Variants in CACNB2 observed in about 807,000 individuals in gnomAD.
CACNB2 encodes the protein calcium voltage-gated channel auxiliary subunit beta 2.
CACNB2 carries 42 observed loss-of-function variants against 73.3 expected under a neutral mutation model. The observed-to-expected ratio is 0.57, with a 90% CI of 0.45 to 0.74. CACNB2 has a LOEUF of 0.74. Among genes scored for constraint, CACNB2 ranks in the 30% least tolerant of loss-of-function variants. CACNB2 has a pLI of 0.00. For missense variants in CACNB2, 940 were observed against 853.0 expected (o/e 1.10, Z -1.27); for synonymous variants, 348 against 310.3 (o/e 1.12, Z -1.28).
At chr10:18,342,660 T>A (rs1753151602) in intron 2 of CACNB2, among the ~76,000 whole-genome samples, 3 of 152,162 alleles carry the variant, frequency 2.0e-5, no homozygotes, top group Admixed American at 1.3e-4. Context: ...TATAAACACA[T>A]GGATTTTTGG....
At chr10:18,282,481 C>T (rs1199614110) in intron 2 of CACNB2, among the ~76,000 whole-genome samples, 1 of 152,190 alleles carries the variant, frequency 6.6e-6, no homozygotes, top group Non-Finnish European at 1.5e-5. Context: ...TGGGTTTTAC[C>T]AGTAGTCATT....
chr10:18,343,745 T>C (rs558575362), intron 2 of CACNB2, among the ~76,000 whole-genome samples: 2 of 152,178 alleles, frequency 1.3e-5, no homozygotes, highest in South Asian at 4.2e-4. Context: ...GGGAGAGAGA[T>C]TAAATGTCCC....
intron 2 of CACNB2, among the ~76,000 whole-genome samples, chr10:18,395,682 A>C (rs1208424307): frequency 6.6e-6 from 1 of 152,148 alleles, no homozygotes; most frequent in Admixed American, 6.5e-5. Flanking sequence ...GAAAATTGAA[A>C]CTGACATTTT....
At chr10:18,432,179 A>T (rs568916474) in intron 3 of CACNB2, among the ~76,000 whole-genome samples, 13 of 152,374 alleles carry the variant, frequency 8.5e-5, no homozygotes, top group African/African-American at 2.9e-4. Context: ...ATGTCAAGCT[A>T]TTCACTAAGA....
Position 18,474,588 on chromosome 10 carries a change from G to A in CACNB2, c.334-23767G>A, listed in dbSNP as rs111330813. On this transcript the variant is annotated intron_variant, in intron 3 of 13. Coordinates refer to ENST00000324631, the MANE Select transcript of CACNB2 (RefSeq NM_201596.3). Reference sequence around the variant, plus strand: ...CACTTTCTCCTTAGTAACAGCGCACGGCTCCTGACCTGGATGGGTGGCCTT... The same window carrying A: ...CACTTTCTCCTTAGTAACAGCGCACAGCTCCTGACCTGGATGGGTGGCCTT... 4.7e-3 allele frequency among the ~76,000 whole-genome samples: 721 copies of A among 152,202 alleles called. 6 individuals are homozygous for A. Among genetic ancestry groups the A allele is most frequent in the Non-Finnish European group, 7.4e-3 (503 of 68,012 alleles).
chr10:18,327,105 T>C (rs1280231936), intron 2 of CACNB2, among the ~76,000 whole-genome samples: 1 of 152,122 alleles, frequency 6.6e-6, no homozygotes, highest in Non-Finnish European at 1.5e-5. Context: ...TCCATGATAT[T>C]AAAGAATGGT....
At chr10:18,230,546 A>G (rs1207105032) in intron 2 of CACNB2, among the ~76,000 whole-genome samples, 2 of 152,236 alleles carry the variant, frequency 1.3e-5, no homozygotes, top group Non-Finnish European at 2.9e-5. Flanking sequence ...AAACCTCAAG[A>G]TATGTGGTAC....
chr10:18,383,647 G>A (rs959667615), intron 2 of CACNB2, among the ~76,000 whole-genome samples: 1 of 152,146 alleles, frequency 6.6e-6, no homozygotes, highest in Admixed American at 6.6e-5. Context: ...TATGTAGATG[G>A]TGCACCAGAA....
chr10:18,342,632 G>C (rs1368393551), intron 2 of CACNB2, among the ~76,000 whole-genome samples: 1 of 152,016 alleles, frequency 6.6e-6, no homozygotes, highest in African/African-American at 2.4e-5. Flanking sequence ...TAACTAATAA[G>C]TATGCTTGAA....
chr10:18,478,510 C>T (rs1220907306), intron 3 of CACNB2, among the ~76,000 whole-genome samples: 1 of 152,182 alleles, frequency 6.6e-6, no homozygotes, highest in African/African-American at 2.4e-5. Context: ...TCTGAAGCTG[C>T]TGCTGTAAGG....
At chr10:18,143,540 A>G (rs1313924591) in intron 1 of CACNB2, among the ~76,000 whole-genome samples, 1 of 152,254 alleles carries the variant, frequency 6.6e-6, no homozygotes, top group Non-Finnish European at 1.5e-5. Context: ...TCTGCCTTCC[A>G]AAAATGAAAG....
rs910083088 is a variant in CACNB2, at chr10:18,542,103, A to C, written c.*2379A>C. On this transcript the variant is annotated 3_prime_UTR_variant, in exon 14 of 14. Transcript: ENST00000324631. ...CAGCTACTTGGGAGGCTGAGATAGG[A>C]GGATCCCTTGAGCCCAGGAGGTGGA... 5 of 152,110 alleles carry C rather than the reference A, an allele frequency of 3.3e-5. No individual in the cohort carries two copies. The highest frequency in any genetic ancestry group is 1.2e-4 in the African/African-American group (5 of 41,410). The allele number at this position is 152,110 out of a possible 1,614,324, so 9.4% of individuals were successfully genotyped here.
chr10:18,201,415 C>T (rs2034876985), intron 2 of CACNB2, among the ~76,000 whole-genome samples: 7 of 151,994 alleles, frequency 4.6e-5, no homozygotes, highest in Admixed American at 4.6e-4. Flanking sequence ...GCTGGGATTA[C>T]AGGCATGCGC....
chr10:18,531,895 G>A (rs549915871), intron 10 of CACNB2: 1 of 152,252 alleles, frequency 6.6e-6, no homozygotes, highest in South Asian at 2.1e-4. Flanking sequence ...TGTGGGATGT[G>A]GGGAGATGAG....
At chr10:18,515,068 A>T in intron 7 of CACNB2, 3 of 1,566,776 alleles carry the variant, frequency 1.9e-6, no homozygotes, top group Non-Finnish European at 2.6e-6. Context: ...GTCATATATA[A>T]ATATTCTCCC....
chr10:18,190,019 A>T (rs2034325083), intron 2 of CACNB2, among the ~76,000 whole-genome samples: 3 of 152,224 alleles, frequency 2.0e-5, no homozygotes, highest in Non-Finnish European at 4.4e-5. Flanking sequence ...CAGCACTTGA[A>T]TGATGATCTC....
intron 2 of CACNB2, among the ~76,000 whole-genome samples, chr10:18,231,942 A>G (rs1465743356): frequency 6.6e-6 from 1 of 152,202 alleles, no homozygotes; most frequent in Admixed American, 6.5e-5. Flanking sequence ...CTGTATAAAT[A>G]CATATTTGGA....
intron 2 of CACNB2, among the ~76,000 whole-genome samples, chr10:18,370,554 C>T (rs537141938): frequency 6.6e-6 from 1 of 152,216 alleles, no homozygotes; most frequent in Admixed American, 6.5e-5. Context: ...CCCACCTTGG[C>T]CTTTCAAAGT....
intron 2 of CACNB2, among the ~76,000 whole-genome samples, chr10:18,211,947 T>A (rs1250779713): frequency 6.6e-6 from 1 of 152,162 alleles, no homozygotes; most frequent in Non-Finnish European, 1.5e-5. Context: ...CAGACGTTTC[T>A]CTAGGGCAGT....
Sources: gnomAD v4.1 joint callset for allele counts (sites outside exome capture counted in the v4.1 genomes callset) on GRCh38, gnomAD v4.1.1 for gene constraint, MANE v1.5 for transcripts, NCBI Gene and HGNC (gene_info 2026-07-23, HGNC 2026-07-21) for gene names.